SCARA5: variants seen among roughly 807,000 people sequenced by gnomAD.
SCARA5 encodes scavenger receptor class A member 5.
A neutral mutation model predicts 46.3 loss-of-function variants in SCARA5; 45 were observed. That is an observed-to-expected ratio of 0.97 (90% CI 0.76 to 1.24). The LOEUF (loss-of-function observed/expected upper bound fraction) is 1.24, where lower values mean the gene tolerates loss of function less well. Among genes scored for constraint, SCARA5 ranks in the 50% most tolerant of loss-of-function variants. The probability of loss-of-function intolerance (pLI) is 0.00; values close to 1 mark genes in which losing one functional copy is unlikely to be tolerated. For synonymous variants in SCARA5, 333 were observed against 306.5 expected (o/e 1.09, Z -0.90); for missense variants, 680 against 689.0 (o/e 0.99, Z 0.15).
At chr8:27,946,734 G>A (rs1808043321) in intron 3 of SCARA5, among the ~76,000 whole-genome samples, 1 of 152,150 alleles carries the variant, frequency 6.6e-6, no homozygotes, top group Non-Finnish European at 1.5e-5. Flanking sequence ...TGTGCCCAGG[G>A]CCAGAGAGAA....
intron 4 of SCARA5, among the ~76,000 whole-genome samples, chr8:27,914,218 T>G (rs1182349533): frequency 6.6e-6 from 1 of 152,264 alleles, no homozygotes. Flanking sequence ...GCCATGATTG[T>G]GAGGCCTCCT....
intron 2 of SCARA5, among the ~76,000 whole-genome samples, chr8:27,970,566 C>T (rs934897473): frequency 7.2e-5 from 11 of 152,190 alleles, no homozygotes; most frequent in African/African-American, 2.4e-4. Context: ...ATAAATAGGC[C>T]TCTAGAACTG....
intron 3 of SCARA5, among the ~76,000 whole-genome samples, chr8:27,931,375 C>A (rs1307083997): frequency 6.6e-6 from 1 of 152,160 alleles, no homozygotes; most frequent in African/African-American, 2.4e-5. Flanking sequence ...GGGATGTGGA[C>A]CCCTGGCTTA....
chr8:27,951,459 C>T (rs577691034), intron 3 of SCARA5, among the ~76,000 whole-genome samples: 3 of 152,324 alleles, frequency 2.0e-5, no homozygotes, highest in South Asian at 2.1e-4. Context: ...TGGTGACCAA[C>T]GAATGACTGG....
rs117465056 is a variant in SCARA5 at position 27,904,557 on chromosome 8, G to T, written c.1153+221C>A. On this transcript the variant is annotated intron_variant, in intron 7 of 8. Transcript: ENST00000354914. ...AGCCTCCAGATCCATGCACACAACCGCCAGGTTTATGACACCTCTAGAAAT... is the reference window on the plus strand; with the variant it reads ...AGCCTCCAGATCCATGCACACAACCTCCAGGTTTATGACACCTCTAGAAAT... 5.7e-3 allele frequency: 3,475 copies of T among 608,678 alleles called. 21 individuals are homozygous for T. The highest frequency in any genetic ancestry group is 7.6e-3 in the Middle Eastern group (17 of 2,240). 37.7% of individuals were successfully genotyped at this position (608,678 alleles called of 1,614,324 possible).
chr8:27,956,376 C>T (rs752237642), intron 3 of SCARA5, among the ~76,000 whole-genome samples: 5 of 152,192 alleles, frequency 3.3e-5, no homozygotes, highest in Admixed American at 6.5e-5. Flanking sequence ...AGATGGGCAG[C>T]AACGGACACC....
chr8:27,968,840 A>T (rs1808407526), intron 2 of SCARA5, among the ~76,000 whole-genome samples: 1 of 152,106 alleles, frequency 6.6e-6, no homozygotes, highest in Non-Finnish European at 1.5e-5. Flanking sequence ...TTTTTTCCCC[A>T]TTAAAAAGAA....
chr8:27,925,316 G>C (rs978192066), intron 3 of SCARA5, among the ~76,000 whole-genome samples: 3 of 152,116 alleles, frequency 2.0e-5, no homozygotes, highest in East Asian at 3.9e-4. Context: ...CAGAGCAGAC[G>C]CCTCAGAAAT....
chr8:27,950,640 C>T (rs963764677), intron 3 of SCARA5, among the ~76,000 whole-genome samples: 1 of 152,106 alleles, frequency 6.6e-6, no homozygotes, highest in African/African-American at 2.4e-5. Flanking sequence ...TCTCTTAGCC[C>T]TCAGGATGCC....
intron 3 of SCARA5, among the ~76,000 whole-genome samples, chr8:27,938,520 A>G (rs1378611976): frequency 6.6e-6 from 1 of 152,208 alleles, no homozygotes; most frequent in Non-Finnish European, 1.5e-5. Flanking sequence ...CAAACCTCAC[A>G]TGCCTGTTTA....
chr8:27,920,070 G>A (rs573228189), intron 4 of SCARA5, among the ~76,000 whole-genome samples: 1 of 151,944 alleles, frequency 6.6e-6, no homozygotes, highest in Non-Finnish European at 1.5e-5. Context: ...GGGAGGGAAG[G>A]GGACCAGTTT....
intron 2 of SCARA5, among the ~76,000 whole-genome samples, chr8:27,981,185 C>CA (rs1311882796): frequency 1.3e-5 from 2 of 152,178 alleles, no homozygotes; most frequent in African/African-American, 4.8e-5. Context: ...CAAGGACACT[C>CA]AAGATTAGCA....
At chr8:27,973,370 A>G (rs775163551) in intron 2 of SCARA5, among the ~76,000 whole-genome samples, 2 of 152,092 alleles carry the variant, frequency 1.3e-5, no homozygotes. Context: ...CCAGCTACTC[A>G]GGAGGCTGAG....
intron 2 of SCARA5, among the ~76,000 whole-genome samples, chr8:27,986,948 A>C (rs1808714123): frequency 6.6e-6 from 1 of 152,232 alleles, no homozygotes; most frequent in Non-Finnish European, 1.5e-5. Context: ...CCTCCAAAGG[A>C]AGCTGCATCA....
chr8:27,870,337 A>T lies in SCARA5; in HGVS notation c.*1597T>A, dbSNP rs1731408330. 1 of 152,088 alleles carries T rather than the reference A, an allele frequency of 6.6e-6. No homozygotes were observed. The highest frequency in any genetic ancestry group is 1.5e-5 in the Non-Finnish European group (1 of 68,014). 9.4% of individuals were successfully genotyped at this position (152,088 alleles called of 1,614,324 possible). On this transcript the variant is annotated 3_prime_UTR_variant, in exon 9 of 9. Transcript: ENST00000354914. Reference sequence around the variant, plus strand: ...GCTCTGGCAAGGGATGCATGAGTACATGCGTGTTATGTAAACATAGCAATT... The same window carrying T: ...GCTCTGGCAAGGGATGCATGAGTACTTGCGTGTTATGTAAACATAGCAATT...
intron 3 of SCARA5, among the ~76,000 whole-genome samples, chr8:27,963,298 G>A (rs997711223): frequency 1.3e-5 from 2 of 152,188 alleles, no homozygotes; most frequent in Admixed American, 1.3e-4. Context: ...CACACGACCA[G>A]GCAATCTCAA....
chr8:27,977,231 C>T (rs1808539601), intron 2 of SCARA5, among the ~76,000 whole-genome samples: 17 of 152,196 alleles, frequency 1.1e-4, no homozygotes, highest in Admixed American at 1.1e-3. Context: ...CTCCTAGTCC[C>T]ATCACTTTGG....
intron 7 of SCARA5, 54 bp from the exon 8 acceptor site, chr8:27,879,820 C>G (rs921685958): frequency 3.2e-6 from 5 of 1,569,598 alleles, no homozygotes; most frequent in Non-Finnish European, 4.3e-6. Flanking sequence ...AGGACCCGCC[C>G]CCAGGGGCCT....
At position 27,957,426 on chromosome 8, in the gene SCARA5, C is replaced by G. The variant is rs148071375; in HGVS notation, c.241+8988G>C. On this transcript the variant is annotated intron_variant, in intron 3 of 8. Transcript: ENST00000354914. The stretch of plus-strand genomic sequence containing the variant: ...TAATTTCATCCTCACCACAACACTT[C>G]GAAGTGGGCAGAGTAATCCCTTCTG... Among the ~76,000 whole-genome samples, 540 of 152,356 alleles carry G rather than the reference C, an allele frequency of 3.5e-3. 1 individual carries two copies. The highest frequency in any genetic ancestry group is 6.8e-3 in the Admixed American group (104 of 15,308).
Sources: gnomAD v4.1 joint callset for allele counts (sites outside exome capture counted in the v4.1 genomes callset) on GRCh38, gnomAD v4.1.1 for gene constraint, MANE v1.5 for transcripts, NCBI Gene and HGNC (gene_info 2026-07-23, HGNC 2026-07-21) for gene names.